WDR1: variants seen among roughly 807,000 people sequenced by gnomAD.
The protein encoded by WDR1 is WD repeat domain 1, also known as WD repeat-containing protein 1.
Under a neutral mutation model 71.9 loss-of-function variants are expected in WDR1, and 21 were observed. The ratio of observed to expected loss-of-function variants is 0.29; its 90% CI spans 0.21 to 0.42. The LOEUF is 0.42. WDR1 is among the 10% of genes least tolerant of loss of function. The probability of loss-of-function intolerance (pLI) is 1.00; values close to 1 mark genes in which losing one functional copy is unlikely to be tolerated. For synonymous variants in WDR1, 424 were observed against 347.4 expected (o/e 1.22, Z -2.45); for missense variants, 696 against 824.5 (o/e 0.84, Z 1.91).
intron 10 of WDR1, 113 bp downstream of exon 10, chr4:10,082,909 G>C: frequency 7.5e-7 from 1 of 1,333,814 alleles, no homozygotes; most frequent in Non-Finnish European, 1.0e-6. Context: ...CGGGGTGGGA[G>C]AGATGAAAGG....
chr4:10,105,816 A>G (rs1712980085), intron 2 of WDR1, among the ~76,000 whole-genome samples: 1 of 152,248 alleles, frequency 6.6e-6, no homozygotes. Flanking sequence ...CAAAAGACAC[A>G]GGAGCAATGT....
intron 5 of WDR1, among the ~76,000 whole-genome samples, chr4:10,093,971 C>T (rs1222030986): frequency 6.6e-6 from 1 of 152,242 alleles, no homozygotes; most frequent in Non-Finnish European, 1.5e-5. Context: ...ACAGCCACAG[C>T]TGAGGTTTCC....
chr4:10,094,751 A>G (rs1712221853), intron 5 of WDR1: 1 of 151,628 alleles, frequency 6.6e-6, no homozygotes, highest in African/African-American at 2.4e-5. Flanking sequence ...ATGTTCCTCC[A>G]CTCCCATCTT....
chr4:10,077,462 G>GA lies in WDR1; in HGVS notation c.1570-15dup. On this transcript the variant is annotated splice_polypyrimidine_tract_variant and intron_variant, in intron 13 of 14. Transcript: ENST00000499869. ...AACATTGTTCTCCTAGTTGCAGGTT[G>GA]AAAACAAGAGAGGTGGCAGGTCAGG... 1.9e-6 allele frequency: 3 copies of GA among 1,613,932 alleles called. No homozygotes were observed. The highest frequency in any genetic ancestry group is 2.5e-6 in the Non-Finnish European group (3 of 1,179,846).
At chr4:10,090,691 G>A (rs1245346006) in intron 5 of WDR1, among the ~76,000 whole-genome samples, 1 of 152,162 alleles carries the variant, frequency 6.6e-6, no homozygotes, top group Non-Finnish European at 1.5e-5. Flanking sequence ...GCAGGCCCTG[G>A]CCCTGCACCT....
chr4:10,116,042 A>C lies in WDR1; in HGVS notation c.138+71T>G. ...CCAATGGGCAGGAGGTGAGAAGTGG[A>C]GAGGAAGGCGAATTATCCCATCCCA... On this transcript the variant is annotated intron_variant, in intron 2 of 14. Transcript: ENST00000499869. 2.6e-6 allele frequency: 4 copies of C among 1,561,116 alleles called. No homozygotes were observed. The South Asian group carries it at 4.7e-5, about 18-fold the overall frequency.
In WDR1 at chr4:10,085,168, T is replaced by A. The variant is rs530327930; in HGVS notation, c.952-638A>T. 7.9e-5 allele frequency among the ~76,000 whole-genome samples: 12 copies of A among 152,336 alleles called. No individual in the cohort carries two copies. In the East Asian group the frequency reaches 1.7e-3, roughly 22 times the overall value. On this transcript the variant is annotated intron_variant, in intron 8 of 14. Coordinates refer to ENST00000499869, the MANE Select transcript of WDR1 (RefSeq NM_017491.5). ...GTTTAGCCCCCTCCATATCTGAGCC[T>A]GAGACAAAAATAACAGCTAGGGTGC...
intron 10 of WDR1, among the ~76,000 whole-genome samples, chr4:10,082,371 CA>C (rs1232695071): frequency 6.6e-6 from 1 of 152,046 alleles, no homozygotes; most frequent in Non-Finnish European, 1.5e-5. Context: ...GGGGTCTACA[CA>C]AGAAATGTAG....
At chr4:10,083,930 A>G (rs1001067286) in intron 9 of WDR1, among the ~76,000 whole-genome samples, 42 of 152,360 alleles carry the variant, frequency 2.8e-4, no homozygotes, top group Middle Eastern at 3.4e-3. Context: ...GGCACCTCGC[A>G]GGAGCTCCAG....
chr4:10,108,856 C>A (rs745682455), intron 2 of WDR1, among the ~76,000 whole-genome samples: 10 of 152,232 alleles, frequency 6.6e-5, no homozygotes, highest in Admixed American at 3.3e-4. Flanking sequence ...TGAACCCCCA[C>A]CTTCCCTGAC....
In WDR1 at chr4:10,079,473, A is replaced by G. The variant is rs78524185; in HGVS notation, c.1285-472T>C. Among the ~76,000 whole-genome samples the G allele has an allele frequency of 3.9e-3, 595 of 152,330 alleles. 6 individuals carry two copies. Among genetic ancestry groups the G allele is most frequent in the African/African-American group, 0.013 (558 of 41,574 alleles). ...GGTACGGTGCTTATGCTGCACGCCC[A>G]AGGCTCCAGTTCCCACAGGCTGAGC... On this transcript the variant is annotated intron_variant, in intron 11 of 14. Transcript: ENST00000499869.
At chr4:10,099,172 GGCGGT>G in intron 3 of WDR1, 33 bp from the exon 4 acceptor site, 1 of 1,266,778 alleles carries the variant, frequency 7.9e-7, no homozygotes, top group East Asian at 2.6e-5. Flanking sequence ...GAGGGGGGGA[GGCGGT>G]GGTGGGGTAA....
rs1712442004 is a variant in WDR1 at position 10,097,825 on chromosome 4, G to T, written c.444C>A (p.Val148=). 1 of 1,612,240 alleles carries T rather than the reference G, an allele frequency of 6.2e-7. No homozygotes were observed. The highest frequency in any genetic ancestry group is 8.5e-7 in the Non-Finnish European group (1 of 1,179,662). The change falls in exon 5 of 15, where the codon GTC becomes GTA. Residue 148 remains valine, a synonymous_variant. Transcript: ENST00000499869. ...SVGEITGHNK[V]INSVDIKQSR... ...TCTGCTTGATGTCCACGCTGTTGAT[G>T]ACTTTGTTGTGTCCTGTAATCTCGC...
At chr4:10,078,738 G>C in intron 12 of WDR1, 153 bp downstream of exon 12, 2 of 610,576 alleles carry the variant, frequency 3.3e-6, no homozygotes, top group South Asian at 4.3e-5. Flanking sequence ...GCGTGGCTGG[G>C]CCCCAGAGCA....
chr4:10,114,100 C>T (rs1294217941), intron 2 of WDR1, among the ~76,000 whole-genome samples: 1 of 152,120 alleles, frequency 6.6e-6, no homozygotes, highest in African/African-American at 2.4e-5. Flanking sequence ...TACTTGAGTA[C>T]CCAGTCCACC....
chr4:10,081,311 CCA>C (rs769088693), intron 11 of WDR1, 44 bp downstream of exon 11: 530 of 1,585,632 alleles, frequency 3.3e-4, no homozygotes, highest in Non-Finnish European at 4.4e-4. Flanking sequence ...CAAGCAGGCA[CCA>C]CACAGCTGCA....
chr4:10,081,282 G>T, intron 11 of WDR1, 75 bp downstream of exon 11: 2 of 1,442,958 alleles, frequency 1.4e-6, no homozygotes, highest in Non-Finnish European at 1.9e-6. Context: ...CTGTCAAACG[G>T]GACATGAGTC....
At chr4:10,089,862 C>T (rs1162612115) in intron 5 of WDR1, among the ~76,000 whole-genome samples, 1 of 152,220 alleles carries the variant, frequency 6.6e-6, no homozygotes, top group African/African-American at 2.4e-5. Context: ...TTGAATTGTG[C>T]CTCTCCAAAA....
intron 1 of WDR1, 149 bp downstream of exon 1, chr4:10,116,502 C>G (rs1321808347): frequency 9.5e-6 from 6 of 632,856 alleles, no homozygotes; most frequent in East Asian, 9.5e-5. Context: ...CCTGCACCAC[C>G]GAGGGCGGCC....
Sources: gnomAD v4.1 joint callset for allele counts (sites outside exome capture counted in the v4.1 genomes callset) on GRCh38, gnomAD v4.1.1 for gene constraint, MANE v1.5 for transcripts, NCBI Gene and HGNC (gene_info 2026-07-23, HGNC 2026-07-21) for gene names.